Variants in WDR7 observed in about 807,000 individuals in gnomAD.
WDR7 encodes the protein WD repeat domain 7.
A neutral mutation model predicts 169.4 loss-of-function variants in WDR7; 46 were observed. The ratio of observed to expected loss-of-function variants is 0.27; its 90% CI spans 0.21 to 0.35. WDR7 has a LOEUF of 0.35. WDR7 is among the 10% of genes least tolerant of loss of function. The pLI is 1.00. For missense variants in WDR7, 1,534 were observed against 1,859.3 expected (o/e 0.83, Z 3.22); for synonymous variants, 612 against 666.8 (o/e 0.92, Z 1.27).
chr18:56,776,684 C>T, intron 16 of WDR7, 98 bp from the exon 17 acceptor site: 1 of 971,376 alleles, frequency 1.0e-6, no homozygotes, highest in Non-Finnish European at 1.7e-6. Flanking sequence ...TCTGTTTTGC[C>T]TACTTTGTTT....
At chr18:56,871,942 A>G (rs1188182391) in intron 20 of WDR7, among the ~76,000 whole-genome samples, 1 of 152,086 alleles carries the variant, frequency 6.6e-6, no homozygotes, top group Non-Finnish European at 1.5e-5. Context: ...TATGACACTC[A>G]TTTCTAAATA....
chr18:56,891,312 G>A (rs1293030539), intron 21 of WDR7, among the ~76,000 whole-genome samples: 3 of 151,934 alleles, frequency 2.0e-5, no homozygotes, highest in Non-Finnish European at 2.9e-5. Flanking sequence ...TCGAATCTTG[G>A]TATCACCACA....
intron 26 of WDR7, among the ~76,000 whole-genome samples, chr18:56,975,812 A>G (rs2047556973): frequency 6.6e-6 from 1 of 152,184 alleles, no homozygotes; most frequent in Admixed American, 6.5e-5. Flanking sequence ...CTCAGATCCC[A>G]TCACTTGGTG....
chr18:56,951,360 G>C (rs2047179626), intron 25 of WDR7, among the ~76,000 whole-genome samples: 1 of 152,104 alleles, frequency 6.6e-6, no homozygotes, highest in Non-Finnish European at 1.5e-5. Context: ...CTAGAACAGA[G>C]AGCCAGGGCG....
chr18:56,823,749 A>G (rs1315107193), intron 20 of WDR7, among the ~76,000 whole-genome samples: 1 of 152,124 alleles, frequency 6.6e-6, no homozygotes, highest in Non-Finnish European at 1.5e-5. Flanking sequence ...CTTTTTAACA[A>G]TGTCCACATA....
chr18:56,669,063 A>G (rs567003779), intron 1 of WDR7, among the ~76,000 whole-genome samples: 2 of 152,238 alleles, frequency 1.3e-5, no homozygotes, highest in South Asian at 4.1e-4. Flanking sequence ...TAGAGAGATA[A>G]CTTTGTCAAG....
intron 26 of WDR7, 82 bp downstream of exon 26, chr18:56,962,611 C>T (rs778377170): frequency 4.2e-5 from 53 of 1,253,582 alleles, no homozygotes; most frequent in Admixed American, 1.6e-4. Flanking sequence ...CACCAGTTGA[C>T]GTGCTGAGCT....
chr18:56,896,434 A>G (rs1191306514), intron 21 of WDR7, among the ~76,000 whole-genome samples: 4 of 151,848 alleles, frequency 2.6e-5, no homozygotes, highest in Non-Finnish European at 5.9e-5. Flanking sequence ...ACCTTATGTC[A>G]AAAGCTGTTC....
chr18:56,711,576 A>G (rs1434731448), intron 12 of WDR7, among the ~76,000 whole-genome samples: 1 of 152,156 alleles, frequency 6.6e-6, no homozygotes, highest in Non-Finnish European at 1.5e-5. Flanking sequence ...AAAGGAAGAC[A>G]TTAAAACTAG....
intron 19 of WDR7, among the ~76,000 whole-genome samples, chr18:56,806,044 A>G (rs1224293647): frequency 6.6e-6 from 1 of 152,168 alleles, no homozygotes; most frequent in African/African-American, 2.4e-5. Flanking sequence ...CCCAATTCAA[A>G]TATTTCCTTC....
chr18:56,665,267 T>G (rs1319769596), intron 1 of WDR7, among the ~76,000 whole-genome samples: 4 of 145,862 alleles, frequency 2.7e-5, no homozygotes, highest in Non-Finnish European at 6.0e-5. Flanking sequence ...CACTCCCGCC[T>G]GGGTGACAAG....
chr18:56,783,329 C>T (rs988018209), intron 19 of WDR7, among the ~76,000 whole-genome samples: 2 of 151,948 alleles, frequency 1.3e-5, no homozygotes, highest in African/African-American at 2.4e-5. Context: ...GAAGGTAGTC[C>T]GGAAAAAGTG....
At chr18:56,968,843 G>A (rs564392044) in intron 26 of WDR7, among the ~76,000 whole-genome samples, 2 of 152,186 alleles carry the variant, frequency 1.3e-5, no homozygotes, top group Admixed American at 6.5e-5. Context: ...ATTGTCACCT[G>A]CCTTGGTTTG....
At chr18:56,818,068 GTGTT>G (rs1263376262) in intron 20 of WDR7, among the ~76,000 whole-genome samples, 1 of 152,066 alleles carries the variant, frequency 6.6e-6, no homozygotes, top group Non-Finnish European at 1.5e-5. Context: ...AAGCCAGTCC[GTGTT>G]TGTTCCGTTT....
intron 2 of WDR7, among the ~76,000 whole-genome samples, chr18:56,676,310 T>A (rs1333369385): frequency 2.6e-5 from 4 of 152,192 alleles, no homozygotes; most frequent in African/African-American, 9.7e-5. Context: ...GGGTCTTGTT[T>A]TTTCATCCAT....
At chr18:56,687,836 C>A (rs1488583332) in intron 7 of WDR7, among the ~76,000 whole-genome samples, 4 of 152,154 alleles carry the variant, frequency 2.6e-5, no homozygotes, top group Non-Finnish European at 5.9e-5. Flanking sequence ...CCCTGTTGCC[C>A]AGGCCGGTCT....
intron 16 of WDR7, among the ~76,000 whole-genome samples, chr18:56,766,430 G>A (rs1045814125): frequency 6.6e-6 from 1 of 151,936 alleles, no homozygotes; most frequent in African/African-American, 2.4e-5. Context: ...CTTTTATTTC[G>A]GGATTATTTT....
chr18:56,896,358 G>A (rs1257293365), intron 21 of WDR7, among the ~76,000 whole-genome samples: 1 of 151,732 alleles, frequency 6.6e-6, no homozygotes, highest in African/African-American at 2.4e-5. Context: ...TTATATGAGA[G>A]AGCAATAGAC....
At chr18:56,699,736 AGTT>A (rs560358758) in intron 12 of WDR7, 286 of 778,926 alleles carry the variant, frequency 3.7e-4, no homozygotes, top group Middle Eastern at 1.3e-3. Flanking sequence ...AAACGTACAA[AGTT>A]GTTAAGAAAA....
Sources: gnomAD v4.1 joint callset for allele counts (sites outside exome capture counted in the v4.1 genomes callset) on GRCh38, gnomAD v4.1.1 for gene constraint, MANE v1.5 for transcripts, NCBI Gene and HGNC (gene_info 2026-07-23, HGNC 2026-07-21) for gene names.